The following COL21A1 variants were observed in gnomAD, a reference collection of about 807,000 sequenced individuals.
COL21A1 encodes the protein collagen type XXI alpha 1 chain.
A neutral mutation model predicts 137.9 loss-of-function variants in COL21A1; 149 were observed. The ratio of observed to expected loss-of-function variants is 1.08; its 90% CI spans 0.95 to 1.24. The LOEUF (loss-of-function observed/expected upper bound fraction) is 1.24. Among genes scored for constraint, COL21A1 ranks in the 50% most tolerant of loss-of-function variants. The probability of loss-of-function intolerance (pLI) is 0.00; values close to 1 mark genes in which losing one functional copy is unlikely to be tolerated. For synonymous variants in COL21A1, 456 were observed against 391.5 expected (o/e 1.16, Z -1.95); for missense variants, 1,167 against 1,158.4 (o/e 1.01, Z -0.11).
At chr6:56,059,410 A>C (rs901404527) in intron 28 of COL21A1, among the ~76,000 whole-genome samples, 168 bp from the exon 29 acceptor site, 4 of 101,154 alleles carry the variant, frequency 4.0e-5, no homozygotes, top group Admixed American at 1.8e-4. Flanking sequence ...ATAATTTCTA[A>C]AATGATCAGT....
intron 1 of COL21A1, among the ~76,000 whole-genome samples, chr6:56,183,906 A>T (rs2152284195): frequency 6.6e-6 from 1 of 152,290 alleles, no homozygotes. Context: ...AACATCAGAA[A>T]ATGGTTTATG....
intron 1 of COL21A1, among the ~76,000 whole-genome samples, chr6:56,211,189 ATATATGTATATATACATATATAT>A (rs1780148961): frequency 7.4e-5 from 1 of 13,478 alleles, no homozygotes; most frequent in Non-Finnish European, 1.2e-4. Flanking sequence ...ATATATATGT[ATATATGTATATATACATATATAT>A]GTATATGTAT....
chr6:56,160,473 T>C (rs1776113078), intron 9 of COL21A1, among the ~76,000 whole-genome samples: 1 of 152,106 alleles, frequency 6.6e-6, no homozygotes, highest in Non-Finnish European at 1.5e-5. Context: ...AATAATACAC[T>C]GATCAGAACC....
chr6:56,066,831 T>C (rs1035383347), intron 23 of COL21A1, among the ~76,000 whole-genome samples: 11 of 151,838 alleles, frequency 7.2e-5, no homozygotes, highest in Admixed American at 5.3e-4. Flanking sequence ...CCCTAGCCTG[T>C]TATAATTTTC....
At chr6:56,176,995 G>T (rs1365580134) in intron 3 of COL21A1, among the ~76,000 whole-genome samples, 1 of 150,618 alleles carries the variant, frequency 6.6e-6, no homozygotes, top group Non-Finnish European at 1.5e-5. Flanking sequence ...AGAGGGAGGA[G>T]GAAGGAGGAG....
chr6:56,372,949 C>A (rs966099502), intron 1 of COL21A1, among the ~76,000 whole-genome samples: 8 of 152,136 alleles, frequency 5.3e-5, no homozygotes, highest in Non-Finnish European at 1.2e-4. Flanking sequence ...TTCCCATATG[C>A]CTTTGCAGCT....
chr6:56,308,152 C>A (rs1376459112), intron 1 of COL21A1, among the ~76,000 whole-genome samples: 1 of 152,158 alleles, frequency 6.6e-6, no homozygotes, highest in African/African-American at 2.4e-5. Flanking sequence ...GAAGGCTCTG[C>A]CTTATAAAAG....
intron 1 of COL21A1, among the ~76,000 whole-genome samples, chr6:56,209,720 G>A (rs570977676): frequency 3.2e-4 from 49 of 152,224 alleles, no homozygotes; most frequent in African/African-American, 1.0e-3. Context: ...ACAGTGTGGC[G>A]ATTCCTCAAG....
intron 1 of COL21A1, among the ~76,000 whole-genome samples, chr6:56,229,217 C>T (rs149719981): frequency 0.012 from 1,888 of 151,164 alleles, 33 homozygotes; most frequent in African/African-American, 0.043. Flanking sequence ...CCTGTCTCTA[C>T]AAAAAAAAAT....
At chr6:56,112,680 C>CTTTTTTTT (rs777172358) in intron 16 of COL21A1, among the ~76,000 whole-genome samples, 3 of 129,678 alleles carry the variant, frequency 2.3e-5, no homozygotes, top group Admixed American at 7.8e-5. Context: ...TTTTTCTTTT[C>CTTTTTTTT]TTTTTTCTTT....
intron 16 of COL21A1, among the ~76,000 whole-genome samples, chr6:56,122,414 GC>G (rs1282759575): frequency 5.3e-5 from 8 of 151,894 alleles, no homozygotes; most frequent in African/African-American, 1.9e-4. Flanking sequence ...CTGGGATCAT[GC>G]CATTCTCCTG....
At chr6:56,230,724 C>T (rs1781508741) in intron 1 of COL21A1, among the ~76,000 whole-genome samples, 1 of 151,774 alleles carries the variant, frequency 6.6e-6, no homozygotes, top group Non-Finnish European at 1.5e-5. Flanking sequence ...TAATATTGCA[C>T]AATTTTAAAT....
At chr6:56,347,517 T>TAA (rs373385667) in intron 1 of COL21A1, among the ~76,000 whole-genome samples, 1,422 of 127,094 alleles carry the variant, frequency 0.011, 23 homozygotes, top group African/African-American at 0.025. Flanking sequence ...AGGAAGCATT[T>TAA]AAAAAAAAAA....
intron 1 of COL21A1, among the ~76,000 whole-genome samples, chr6:56,308,882 A>C (rs4712129): frequency 0.84 from 128,285 of 152,062 alleles, 56,096 homozygotes; most frequent in South Asian, 0.97. Context: ...TTCCACTGGG[A>C]AGTAGGTCCA....
chr6:56,091,935 C>T (rs902792101), intron 17 of COL21A1, among the ~76,000 whole-genome samples: 1 of 152,034 alleles, frequency 6.6e-6, no homozygotes, highest in African/African-American at 2.4e-5. Context: ...CCTCACCATC[C>T]ACCTAGCTGC....
intron 1 of COL21A1, among the ~76,000 whole-genome samples, chr6:56,201,883 A>C (rs1195346681): frequency 6.6e-6 from 1 of 152,198 alleles, no homozygotes; most frequent in Non-Finnish European, 1.5e-5. Context: ...AGTATACTAA[A>C]AATTAATGAG....
At chr6:56,234,397 AT>A (rs1781776010) in intron 1 of COL21A1, among the ~76,000 whole-genome samples, 1 of 151,850 alleles carries the variant, frequency 6.6e-6, no homozygotes, top group Non-Finnish European at 1.5e-5. Context: ...TTTCATATTT[AT>A]ATAAGATGCA....
chr6:56,182,922 A>G (rs1778009636), intron 1 of COL21A1, among the ~76,000 whole-genome samples: 1 of 152,182 alleles, frequency 6.6e-6, no homozygotes, highest in Admixed American at 6.5e-5. Context: ...TTTTTGCAAA[A>G]TATTTACTCA....
intron 1 of COL21A1, among the ~76,000 whole-genome samples, chr6:56,253,968 A>G (rs1782914900): frequency 6.6e-6 from 1 of 152,224 alleles, no homozygotes; most frequent in African/African-American, 2.4e-5. Context: ...ACAGGTAAAG[A>G]TGAAAAAAAT....
Sources: allele counts gnomAD v4.1 joint callset (sites outside exome capture counted in the v4.1 genomes callset), GRCh38; gene constraint gnomAD v4.1.1; transcripts MANE v1.5; gene names NCBI Gene and HGNC (gene_info 2026-07-23, HGNC 2026-07-21).